ECT2L: variants seen among roughly 807,000 people sequenced by gnomAD.
ECT2L encodes epithelial cell-transforming sequence 2 oncogene-like.
Under a neutral mutation model 122.8 loss-of-function variants are expected in ECT2L, and 126 were observed. That is an observed-to-expected ratio of 1.03 (90% CI 0.89 to 1.19). ECT2L has a LOEUF of 1.19. ECT2L is among the 50% of genes most tolerant of loss of function. The pLI is 0.00. For synonymous variants in ECT2L, 385 were observed against 381.8 expected (o/e 1.01, Z -0.10); for missense variants, 1,012 against 1,064.1 (o/e 0.95, Z 0.68).
At chr6:138,859,332 C>A (rs1182144941) in intron 10 of ECT2L, among the ~76,000 whole-genome samples, 5 of 152,128 alleles carry the variant, frequency 3.3e-5, no homozygotes, top group African/African-American at 1.2e-4. Context: ...TGAGTTCTTC[C>A]TGGTTTCTGC....
chr6:138,821,130 T>C (rs1776255104), intron 4 of ECT2L, among the ~76,000 whole-genome samples: 1 of 152,270 alleles, frequency 6.6e-6, no homozygotes, highest in Admixed American at 6.5e-5. Context: ...CCACATGAGC[T>C]GTCTCGTCCC....
At chr6:138,858,014 C>T (rs924261997) in intron 10 of ECT2L, among the ~76,000 whole-genome samples, 2 of 152,142 alleles carry the variant, frequency 1.3e-5, no homozygotes, top group African/African-American at 4.8e-5. Flanking sequence ...CGTGAGAACT[C>T]ACTCGCTCTC....
chr6:138,849,349 T>C lies in ECT2L; in HGVS notation c.984T>C (p.Leu328=), dbSNP rs771972030. The change falls in exon 9 of 22, where the codon CTT becomes CTC. Residue 328 remains leucine, a synonymous_variant. Transcript: ENST00000541398. ...HSVTLESLLY[L]IEKALDGQKA... ...TAACCTTGGAAAGCCTTCTGTATCT[T>C]ATAGAAAAAGCTCTGGATGGGCAGA... The C allele has an allele frequency of 5.6e-6, 9 of 1,614,062 alleles. No individual in the cohort carries two copies. The highest frequency in any genetic ancestry group is 1.1e-5 in the South Asian group (1 of 91,076).
intron 4 of ECT2L, among the ~76,000 whole-genome samples, chr6:138,828,472 T>C (rs1469358885): frequency 1.3e-5 from 2 of 151,752 alleles, no homozygotes; most frequent in African/African-American, 4.9e-5. Context: ...AAAGTCAGGT[T>C]TGATTTTTTT....
In ECT2L at chr6:138,901,067, T is replaced by C. The variant is rs918101878; in HGVS notation, c.2534T>C (p.Ile845Thr). Residue 845 changes from isoleucine (I) to threonine (T), a missense_variant, in exon 21 of 22, where the codon ATT becomes ACT. Physicochemically the swap from Ile to Thr is moderately conservative, Grantham distance 89. Transcript: ENST00000541398. ...ACTTCAAAAACAACCTACCAGTTCA[T>C]TGCATCAGTGGCCCTTCATCGGTTA... ...ERTSKTTYQF[I>T]ASVALHRLLI... The C allele has an allele frequency of 3.1e-6, 5 of 1,614,076 alleles. No homozygotes were observed. The highest frequency in any genetic ancestry group is 2.7e-5 in the African/African-American group (2 of 74,934).
At chr6:138,810,448 C>A (rs75931473) in intron 1 of ECT2L, among the ~76,000 whole-genome samples, 11 of 152,118 alleles carry the variant, frequency 7.2e-5, no homozygotes, top group African/African-American at 1.9e-4. Flanking sequence ...TCTAAGGAAG[C>A]CTGATACGCT....
At chr6:138,877,984 T>C (rs938827261) in intron 14 of ECT2L, among the ~76,000 whole-genome samples, 5 of 152,204 alleles carry the variant, frequency 3.3e-5, no homozygotes, top group Non-Finnish European at 7.3e-5. Flanking sequence ...TCTCTCATTT[T>C]TCTCTTAAGT....
At chr6:138,884,464 C>T (rs56920551) in intron 16 of ECT2L, among the ~76,000 whole-genome samples, 1 of 151,862 alleles carries the variant, frequency 6.6e-6, no homozygotes, top group African/African-American at 2.4e-5. Context: ...ATGGTGAAAC[C>T]CCGTCTCTAC....
intron 9 of ECT2L, 85 bp downstream of exon 9, chr6:138,849,519 C>A: frequency 7.3e-7 from 1 of 1,367,710 alleles, no homozygotes. Context: ...AGGACTATCT[C>A]AGTTCCAAGT....
At chr6:138,832,772 TTGC>T (rs1171117881) in intron 4 of ECT2L, among the ~76,000 whole-genome samples, 1 of 152,104 alleles carries the variant, frequency 6.6e-6, no homozygotes, top group Non-Finnish European at 1.5e-5. Context: ...AATTTATAAC[TTGC>T]TGATTTCTTT....
chr6:138,893,792 A>G (rs1779119658), intron 20 of ECT2L, among the ~76,000 whole-genome samples: 1 of 152,078 alleles, frequency 6.6e-6, no homozygotes, highest in African/African-American at 2.4e-5. Flanking sequence ...AACTCACACC[A>G]TTGTGTGAGC....
intron 5 of ECT2L, among the ~76,000 whole-genome samples, chr6:138,840,797 A>C (rs140346649): frequency 3.3e-5 from 5 of 152,116 alleles, no homozygotes; most frequent in Admixed American, 3.3e-4. Context: ...CTGAGACTTA[A>C]TATCTTTTAT....
chr6:138,858,527 C>A (rs1562478339), intron 10 of ECT2L, among the ~76,000 whole-genome samples: 1 of 151,876 alleles, frequency 6.6e-6, no homozygotes, highest in Non-Finnish European at 1.5e-5. Context: ...CATATGTAGG[C>A]CTGCCCCATG....
intron 20 of ECT2L, among the ~76,000 whole-genome samples, chr6:138,894,559 A>G (rs1363665178): frequency 6.6e-6 from 1 of 152,206 alleles, no homozygotes; most frequent in Non-Finnish European, 1.5e-5. Flanking sequence ...TGAAAAATTT[A>G]CCAGGCCCAG....
chr6:138,853,905 TGTCTTG>T, intron 9 of ECT2L, 115 bp from the exon 10 acceptor site: 1 of 1,058,212 alleles, frequency 9.4e-7, no homozygotes. Context: ...ATGCCTCAGG[TGTCTTG>T]GTCTTGCAGG....
At chr6:138,810,963 A>G (rs1775871777) in intron 1 of ECT2L, among the ~76,000 whole-genome samples, 1 of 152,210 alleles carries the variant, frequency 6.6e-6, no homozygotes, top group South Asian at 2.1e-4. Context: ...ATGGGAAAGG[A>G]AAGGAACTGT....
intron 18 of ECT2L, 105 bp downstream of exon 18, chr6:138,885,935 G>A (rs773438101): frequency 2.0e-5 from 23 of 1,168,306 alleles, no homozygotes; most frequent in Admixed American, 1.2e-4. Flanking sequence ...GGGGTTCTTC[G>A]CTTTAAAGTC....
intron 1 of ECT2L, among the ~76,000 whole-genome samples, chr6:138,797,223 A>G (rs146054302): frequency 3.3e-5 from 5 of 152,132 alleles, no homozygotes; most frequent in Admixed American, 6.5e-5. Context: ...ATTTAACTCA[A>G]CTGGAATTGT....
At chr6:138,843,313 A>G in intron 6 of ECT2L, 82 bp downstream of exon 6, 1 of 1,386,316 alleles carries the variant, frequency 7.2e-7, no homozygotes, top group South Asian at 1.7e-5. Flanking sequence ...CACAGAGGAC[A>G]GCCCTGTCTT....
Sources: allele counts gnomAD v4.1 joint callset (sites outside exome capture counted in the v4.1 genomes callset), GRCh38; gene constraint gnomAD v4.1.1; transcripts MANE v1.5; gene names NCBI Gene and HGNC (gene_info 2026-07-23, HGNC 2026-07-21).